The following MARK4 variants were observed in gnomAD, a reference collection of about 807,000 sequenced individuals.
MARK4 encodes microtubule affinity regulating kinase 4.
A neutral mutation model predicts 81.5 loss-of-function variants in MARK4; 19 were observed. That is an observed-to-expected ratio of 0.23 (90% CI 0.16 to 0.34). MARK4 has a LOEUF of 0.34. Ranked by LOEUF, MARK4 falls within the 10% of genes least tolerant of loss-of-function variation. MARK4 has a pLI of 1.00. For synonymous variants in MARK4, 436 were observed against 439.0 expected (o/e 0.99, Z 0.08); for missense variants, 772 against 1,058.8 (o/e 0.73, Z 3.76).
intron 2 of MARK4, among the ~76,000 whole-genome samples, chr19:45,260,601 G>T (rs1970368483): frequency 6.6e-6 from 1 of 152,070 alleles, no homozygotes; most frequent in East Asian, 1.9e-4. Flanking sequence ...GAAGGCTGAG[G>T]CAGGAGAATC....
intron 7 of MARK4, among the ~76,000 whole-genome samples, chr19:45,266,802 C>T (rs149618240): frequency 1.3e-5 from 2 of 150,398 alleles, no homozygotes; most frequent in African/African-American, 2.5e-5. Context: ...GCGCGATCTC[C>T]GCTCACTGCA....
intron 12 of MARK4, among the ~76,000 whole-genome samples, chr19:45,281,710 C>G (rs1480144854): frequency 6.6e-6 from 1 of 152,096 alleles, no homozygotes; most frequent in African/African-American, 2.4e-5. Context: ...AATCTCTGGT[C>G]CAGGATGAAG....
intron 2 of MARK4, among the ~76,000 whole-genome samples, chr19:45,259,672 G>A (rs78894011): frequency 6.6e-6 from 1 of 152,212 alleles, no homozygotes. Flanking sequence ...CTACTTGGGA[G>A]GCTGAGGCGG....
At chr19:45,253,452 G>A (rs1359371191) in intron 1 of MARK4, among the ~76,000 whole-genome samples, 2 of 152,216 alleles carry the variant, frequency 1.3e-5, no homozygotes, top group Non-Finnish European at 2.9e-5. Flanking sequence ...CTGAGCCTCA[G>A]TTTCCTGCCC....
chr19:45,269,974 C>T (rs1970504107), intron 7 of MARK4, among the ~76,000 whole-genome samples: 1 of 152,040 alleles, frequency 6.6e-6, no homozygotes, highest in Non-Finnish European at 1.5e-5. Context: ...ATTACAGGCA[C>T]CCGCCACCAC....
In MARK4 at chr19:45,277,982, C is replaced by T; in HGVS notation, c.846C>T (p.Asp282=). 1 of 1,613,986 alleles carries T rather than the reference C, an allele frequency of 6.2e-7. No individual in the cohort carries two copies. The highest frequency in any genetic ancestry group is 8.5e-7 in the Non-Finnish European group (1 of 1,180,012). Residue 282 remains aspartate, a synonymous_variant, in exon 9 of 17, where the codon GAC becomes GAT. Transcript: ENST00000262891. The part of the protein sequence containing the change: ...KYRVPFYMST[D]CESILRRFLV... ...GGGTCCCTTTCTACATGTCAACAGA[C>T]TGTGAGAGCATCCTGCGGAGATTTT...
chr19:45,297,994 G>A, intron 15 of MARK4, 40 bp downstream of exon 15: 2 of 1,549,294 alleles, frequency 1.3e-6, no homozygotes, highest in Non-Finnish European at 1.7e-6. Flanking sequence ...GCGGGGCGGG[G>A]GGCCGATGGG....
At chr19:45,290,959 C>G (rs1017829134) in intron 13 of MARK4, among the ~76,000 whole-genome samples, 40 of 152,130 alleles carry the variant, frequency 2.6e-4, no homozygotes, top group Admixed American at 1.0e-3. Context: ...AGCAGAAGGG[C>G]CTTGGGGAAA....
At chr19:45,280,247 A>G in intron 10 of MARK4, 127 bp from the exon 11 acceptor site, 2 of 779,810 alleles carry the variant, frequency 2.6e-6, no homozygotes, top group Non-Finnish European at 4.4e-6. Flanking sequence ...GGCTGCAGTG[A>G]GCTGTGACCG....
chr19:45,258,365 G>A (rs193271963), intron 1 of MARK4, among the ~76,000 whole-genome samples: 69 of 152,188 alleles, frequency 4.5e-4, no homozygotes, highest in Admixed American at 4.5e-3. Context: ...GCTTTATTGC[G>A]GTGGTCTGGA....
intron 10 of MARK4, 71 bp from the exon 11 acceptor site, chr19:45,280,303 A>C: frequency 7.0e-7 from 1 of 1,418,904 alleles, no homozygotes; most frequent in Non-Finnish European, 9.9e-7. Context: ...CCCTGTCTCA[A>C]AAAAAAAGAG....
At position 45,287,684 on chromosome 19, in the gene MARK4, G is replaced by A. The variant is rs780950007; in HGVS notation, c.1494+20G>A. 1 of 1,597,782 alleles carries A rather than the reference G, an allele frequency of 6.3e-7. No homozygotes were observed. The highest frequency in any genetic ancestry group is 1.1e-5 in the South Asian group (1 of 88,946). ...ACCCCCGTGAGTGACCAGGGCTGGGGGGCAGGGCTGGGGGCGCCACCTGGG... is the reference window on the plus strand; with the variant it reads ...ACCCCCGTGAGTGACCAGGGCTGGGAGGCAGGGCTGGGGGCGCCACCTGGG... On this transcript the variant is annotated intron_variant, in intron 13 of 16. Transcript: ENST00000262891.
chr19:45,267,365 G>T (rs1392478387), intron 7 of MARK4, among the ~76,000 whole-genome samples: 1 of 152,020 alleles, frequency 6.6e-6, no homozygotes, highest in Non-Finnish European at 1.5e-5. Context: ...AGTCTGAGAA[G>T]GGGCTTTGAG....
At chr19:45,265,058 G>A (rs1182905877) in intron 6 of MARK4, 148 bp downstream of exon 6, 3 of 735,648 alleles carry the variant, frequency 4.1e-6, no homozygotes, top group South Asian at 1.7e-5. Flanking sequence ...GGTGTGCTGG[G>A]CATATAGTTG....
intron 1 of MARK4, among the ~76,000 whole-genome samples, chr19:45,257,383 CTTT>C (rs35210904): frequency 8.0e-5 from 10 of 124,362 alleles, no homozygotes; most frequent in Admixed American, 2.7e-4. Flanking sequence ...TTTTCTTTCT[CTTT>C]TTTTTTTTTT....
chr19:45,251,556 CCGG>C lies in MARK4; in HGVS notation c.-31_-29del. 1 of 1,074,678 alleles carries C rather than the reference CCGG, an allele frequency of 9.3e-7. No homozygotes were observed. The allele number at this position is 1,074,678 out of a possible 1,614,324, so 66.6% of individuals were successfully genotyped here. On this transcript the variant is annotated 5_prime_UTR_variant, in exon 1 of 17. Transcript: ENST00000262891. ...ACCCTGGGACCCCCGCCCCCCCCAC[CCGG>C]CCGCCCCTGCCCCCCGGGACCCGGA...
chr19:45,254,589 T>C (rs1024087405), intron 1 of MARK4, among the ~76,000 whole-genome samples: 1 of 152,224 alleles, frequency 6.6e-6, no homozygotes, highest in Non-Finnish European at 1.5e-5. Flanking sequence ...GGACTCCCCC[T>C]GCCTGAGCCT....
intron 3 of MARK4, 26 bp downstream of exon 3, chr19:45,263,192 C>T: frequency 6.2e-7 from 1 of 1,611,766 alleles, no homozygotes; most frequent in Non-Finnish European, 8.5e-7. Flanking sequence ...CGGGGGAGAG[C>T]AGGAGCCAGG....
rs772886164 is a variant in MARK4, at chr19:45,298,191, G to A, written c.1877+237G>A. ...GGCAGAACTCTAACCGCTGTGTTTC[G>A]GGCGCCTCTCTGCCCCAGGGATCCA... is the stretch of plus-strand genomic sequence containing the variant. On this transcript the variant is annotated intron_variant, in intron 15 of 16. Transcript: ENST00000262891. 1.9e-5 allele frequency: 31 copies of A among 1,613,744 alleles called. No individual in the cohort carries two copies. The East Asian group carries it at 2.7e-4, about 14-fold the overall frequency.
Sources: allele counts gnomAD v4.1 joint callset (sites outside exome capture counted in the v4.1 genomes callset), GRCh38; gene constraint gnomAD v4.1.1; transcripts MANE v1.5; gene names NCBI Gene and HGNC (gene_info 2026-07-23, HGNC 2026-07-21).